The following LOC112267897 variants were observed in gnomAD, a reference collection of about 807,000 sequenced individuals.
chr13:63,747,078 G>C, the LOC112267897 span: 1 of 1,605,568 alleles, frequency 6.2e-7, no homozygotes, highest in Admixed American at 1.7e-5. Context: ...ACTGGCTTCG[G>C]CTGTGGGTAT....
the LOC112267897 span, chr13:63,747,017 G>T: frequency 6.4e-7 from 1 of 1,562,608 alleles, no homozygotes; most frequent in Non-Finnish European, 8.8e-7. Flanking sequence ...CTGTGGCTAT[G>T]GCTCTGGCTA....
chr13:63,747,860 TTTA>T, the LOC112267897 span: 1 of 109,618 alleles, frequency 9.1e-6, no homozygotes, highest in East Asian at 2.3e-4. Context: ...TACACAAATA[TTTA>T]TTATTGTGTT....
At chr13:63,747,117 G>T in the LOC112267897 span, 3 of 1,601,274 alleles carry the variant, frequency 1.9e-6, no homozygotes, top group Admixed American at 3.3e-5. Flanking sequence ...GGCTATGGCT[G>T]TGGATGTGGC....
At chr13:63,747,096 G>C in the LOC112267897 span, 17 of 1,604,418 alleles carry the variant, frequency 1.1e-5, 1 homozygote, top group Non-Finnish European at 1.4e-5. Flanking sequence ...TATGGCTGTG[G>C]TTATGGAACT....
the LOC112267897 span, chr13:63,747,051 C>G: frequency 1.3e-6 from 2 of 1,599,088 alleles, no homozygotes; most frequent in East Asian, 2.2e-5. Flanking sequence ...GGCTCTGGCT[C>G]TGGCTGTGGC....
chr13:63,747,115 CTGTGGA>C, the LOC112267897 span: 1 of 1,601,670 alleles, frequency 6.2e-7, no homozygotes, highest in African/African-American at 1.4e-5. Flanking sequence ...CTGGCTATGG[CTGTGGA>C]TGTGGCTCTG....
the LOC112267897 span, chr13:63,747,653 G>C: frequency 7.6e-6 from 1 of 131,568 alleles, no homozygotes; most frequent in South Asian, 6.2e-5. Flanking sequence ...ATCTACTGTA[G>C]TGTACAGTAA....
At chr13:63,746,998 T>C in the LOC112267897 span, 2 of 1,496,480 alleles carry the variant, frequency 1.3e-6, no homozygotes, top group African/African-American at 1.4e-5. Flanking sequence ...GCTATGGAAC[T>C]GGCTACAGCT....
chr13:63,746,782 A>T, the LOC112267897 span: 4 of 1,405,522 alleles, frequency 2.8e-6, no homozygotes, highest in Admixed American at 7.2e-5. Context: ...ACCCATCTCA[A>T]TTCTCTCCTC....
chr13:63,747,216 C>G, the LOC112267897 span: 1 of 1,430,544 alleles, frequency 7.0e-7, no homozygotes, highest in Non-Finnish European at 9.6e-7. Context: ...GGACAATTTG[C>G]TTCTAAAATG....
At chr13:63,747,076 C>G in the LOC112267897 span, 2 of 1,605,054 alleles carry the variant, frequency 1.2e-6, no homozygotes, top group Non-Finnish European at 1.7e-6. Context: ...GAACTGGCTT[C>G]GGCTGTGGGT....
the LOC112267897 span, chr13:63,746,953 T>C: frequency 1.3e-4 from 175 of 1,368,876 alleles, 2 homozygotes; most frequent in African/African-American, 1.7e-4. Flanking sequence ...ATGGCTCTGG[T>C]TATGGCTGTG....
the LOC112267897 span, chr13:63,746,953 T>TTATGGCTGTGGATATGGCTCCAGC: frequency 7.3e-7 from 1 of 1,368,874 alleles, no homozygotes; most frequent in Non-Finnish European, 1.0e-6. Flanking sequence ...ATGGCTCTGG[T>TTATGGCTGTGGATATGGCTCCAGC]TATGGCTGTG....
the LOC112267897 span, chr13:63,747,076 C>T: frequency 4.4e-6 from 7 of 1,605,054 alleles, no homozygotes; most frequent in African/African-American, 1.4e-5. Context: ...GAACTGGCTT[C>T]GGCTGTGGGT....
At chr13:63,746,956 T>C in the LOC112267897 span, 165 of 1,402,410 alleles carry the variant, frequency 1.2e-4, 2 homozygotes, top group Non-Finnish European at 1.5e-4. Flanking sequence ...GCTCTGGTTA[T>C]GGCTGTGGCT....
At chr13:63,747,552 A>T in the LOC112267897 span, 1 of 185,112 alleles carries the variant, frequency 5.4e-6, no homozygotes, top group Admixed American at 1.1e-4. Context: ...TAGTTTATAA[A>T]GCAAAAAATT....
At chr13:63,747,024 G>A in the LOC112267897 span, 1 of 1,579,218 alleles carries the variant, frequency 6.3e-7, no homozygotes, top group Non-Finnish European at 8.7e-7. Flanking sequence ...TATGGCTCTG[G>A]CTACAGCTGT....
the LOC112267897 span, chr13:63,747,822 ATCTTT>A: frequency 7.9e-6 from 1 of 125,964 alleles, no homozygotes; most frequent in Admixed American, 7.6e-5. Context: ...TTTTTACTGT[ATCTTT>A]TCTAGATTTC....
At chr13:63,746,785 C>G in the LOC112267897 span, 2 of 1,458,586 alleles carry the variant, frequency 1.4e-6, no homozygotes, top group Non-Finnish European at 1.9e-6. Flanking sequence ...CATCTCAATT[C>G]TCTCCTCTTG....
Sources: gnomAD v4.1 joint callset for allele counts on GRCh38, gnomAD v4.1.1 for gene constraint, MANE v1.5 for transcripts.